The following CSGALNACT1 variants were observed in gnomAD, a reference collection of about 807,000 sequenced individuals.
CSGALNACT1 encodes the protein beta4GalNAcT-1.
In CSGALNACT1, 52 loss-of-function variants were observed where a neutral mutation model predicts 51.0. That is an observed-to-expected ratio of 1.02 (90% CI 0.82 to 1.29). CSGALNACT1 has a LOEUF of 1.29. Ranked by LOEUF, CSGALNACT1 falls within the 50% of genes most tolerant of loss-of-function variation. The pLI is 0.00. For synonymous variants in CSGALNACT1, 341 were observed against 254.4 expected (o/e 1.34, Z -3.24); for missense variants, 935 against 679.2 (o/e 1.38, Z -4.19).
At chr8:19,654,280 G>A (rs1261746663) in intron 1 of CSGALNACT1, among the ~76,000 whole-genome samples, 1 of 152,208 alleles carries the variant, frequency 6.6e-6, no homozygotes, top group Non-Finnish European at 1.5e-5. Context: ...TGTCCAGTTA[G>A]CATGGTAACA....
chr8:19,654,605 T>C (rs1031727305), intron 1 of CSGALNACT1, among the ~76,000 whole-genome samples: 1 of 152,086 alleles, frequency 6.6e-6, no homozygotes, highest in Non-Finnish European at 1.5e-5. Context: ...AGTGCAGTGT[T>C]GTGATGTCAG....
chr8:19,669,364 C>A (rs2059615082), intron 1 of CSGALNACT1, among the ~76,000 whole-genome samples: 1 of 152,310 alleles, frequency 6.6e-6, no homozygotes, highest in Admixed American at 6.5e-5. Context: ...AGGACACTAT[C>A]ATAAAAACTA....
intron 4 of CSGALNACT1, among the ~76,000 whole-genome samples, chr8:19,495,936 C>G (rs1053244294): frequency 6.6e-6 from 1 of 152,144 alleles, no homozygotes; most frequent in African/African-American, 2.4e-5. Context: ...AACTCCCTTC[C>G]TCCAGCTAAC....
At chr8:19,638,066 C>G (rs906863410) in intron 1 of CSGALNACT1, among the ~76,000 whole-genome samples, 1 of 148,366 alleles carries the variant, frequency 6.7e-6, no homozygotes, top group Admixed American at 6.7e-5. Context: ...ATAGAAAAAC[C>G]TTGACAACCA....
chr8:19,651,456 A>G (rs938068898), intron 1 of CSGALNACT1, among the ~76,000 whole-genome samples: 2 of 151,988 alleles, frequency 1.3e-5, no homozygotes, highest in Admixed American at 6.6e-5. Context: ...TATTGTTTCT[A>G]TCTTTGTGTT....
intron 3 of CSGALNACT1, among the ~76,000 whole-genome samples, chr8:19,563,416 G>A (rs1229088904): frequency 1.3e-5 from 2 of 152,116 alleles, no homozygotes; most frequent in African/African-American, 4.8e-5. Flanking sequence ...TCCTGCACGT[G>A]TAACCTGGAA....
At chr8:19,418,793 A>G (rs754951670) in intron 7 of CSGALNACT1, 43 bp from the exon 7 acceptor site, 2 of 1,359,298 alleles carry the variant, frequency 1.5e-6, no homozygotes, top group Admixed American at 1.7e-5. Flanking sequence ...TGACAGATCC[A>G]AGTAGTAGGT....
At chr8:19,519,526 G>A (rs779376920) in intron 3 of CSGALNACT1, among the ~76,000 whole-genome samples, 2 of 152,166 alleles carry the variant, frequency 1.3e-5, no homozygotes, top group African/African-American at 2.4e-5. Context: ...AAGAAAACAC[G>A]CAGCAGAGAA....
intron 3 of CSGALNACT1, among the ~76,000 whole-genome samples, chr8:19,549,695 C>G (rs1160804248): frequency 7.2e-6 from 1 of 139,812 alleles, no homozygotes; most frequent in Non-Finnish European, 1.5e-5. Context: ...TATTCACTCA[C>G]CTTCTCCAGA....
chr8:19,628,113 AT>A (rs1469692058), intron 1 of CSGALNACT1, among the ~76,000 whole-genome samples: 5 of 152,178 alleles, frequency 3.3e-5, no homozygotes, highest in African/African-American at 1.2e-4. Flanking sequence ...ACATCAATAC[AT>A]TAAGTCCTTA....
rs532038979 is a variant in CSGALNACT1, at chr8:19,662,360, G to A, written c.-544+20113C>T. On this transcript the variant is annotated intron_variant, in intron 1 of 9. Transcript: ENST00000332246. The stretch of plus-strand genomic sequence containing the variant: ...CACACCACTGCACTCCAGTCTGGGC[G>A]ACAGAGAAAGATTCTTGCCTCTAAA... Among the ~76,000 whole-genome samples the A allele has an allele frequency of 1.2e-4, 18 of 152,126 alleles. No homozygotes were observed. In the South Asian group the frequency reaches 1.7e-3, roughly 14 times the overall value.
chr8:19,573,262 T>A (rs1005543901), intron 3 of CSGALNACT1, among the ~76,000 whole-genome samples: 2 of 152,208 alleles, frequency 1.3e-5, no homozygotes, highest in African/African-American at 2.4e-5. Context: ...GCAACCAGAA[T>A]GTTGAACAAG....
chr8:19,749,564 C>G (rs920644436), intron 1 of CSGALNACT1, among the ~76,000 whole-genome samples: 1 of 152,116 alleles, frequency 6.6e-6, no homozygotes, highest in Non-Finnish European at 1.5e-5. Flanking sequence ...CCCTGGTCAC[C>G]AAACAAGGCG....
At chr8:19,662,083 C>CG (rs2058807533) in intron 1 of CSGALNACT1, among the ~76,000 whole-genome samples, 2 of 107,080 alleles carry the variant, frequency 1.9e-5, no homozygotes, top group Admixed American at 8.6e-5. Flanking sequence ...CACCCCCCCC[C>CG]CCCCCCGCAT....
intron 6 of CSGALNACT1, among the ~76,000 whole-genome samples, chr8:19,425,176 C>G (rs1464904318): frequency 1.3e-5 from 2 of 152,084 alleles, no homozygotes; most frequent in African/African-American, 4.8e-5. Context: ...AACCCCATTT[C>G]TATTAAAAAT....
At chr8:19,582,327 A>C (rs1195436183) in intron 3 of CSGALNACT1, among the ~76,000 whole-genome samples, 1 of 152,232 alleles carries the variant, frequency 6.6e-6, no homozygotes, top group Non-Finnish European at 1.5e-5. Context: ...TTCCAATGAA[A>C]GACTACTTAG....
At chr8:19,466,904 G>A (rs1194717508) in intron 4 of CSGALNACT1, among the ~76,000 whole-genome samples, 1 of 152,128 alleles carries the variant, frequency 6.6e-6, no homozygotes, top group African/African-American at 2.4e-5. Flanking sequence ...TCTTTTACCT[G>A]ATAAGAAATA....
intron 3 of CSGALNACT1, among the ~76,000 whole-genome samples, chr8:19,590,513 A>T (rs2047577979): frequency 6.6e-6 from 1 of 152,180 alleles, no homozygotes; most frequent in Non-Finnish European, 1.5e-5. Context: ...AGAGATGCAC[A>T]CATCCCACTG....
chr8:19,670,312 AC>A (rs1286751397), intron 1 of CSGALNACT1, among the ~76,000 whole-genome samples: 6 of 152,178 alleles, frequency 3.9e-5, no homozygotes, highest in African/African-American at 1.4e-4. Flanking sequence ...ATAATCTGTT[AC>A]ATAAAATCCT....
Sources: gnomAD v4.1 joint callset for allele counts (sites outside exome capture counted in the v4.1 genomes callset) on GRCh38, gnomAD v4.1.1 for gene constraint, MANE v1.5 for transcripts, NCBI Gene and HGNC (gene_info 2026-07-23, HGNC 2026-07-21) for gene names.